The following RBM5 variants were observed in gnomAD, a reference collection of about 807,000 sequenced individuals.
RBM5 encodes RNA-binding protein 5.
RBM5 carries 15 observed loss-of-function variants against 124.6 expected under a neutral mutation model. That is an observed-to-expected ratio of 0.12 (90% CI 0.08 to 0.19). The LOEUF (loss-of-function observed/expected upper bound fraction) is 0.19, where lower values mean the gene tolerates loss of function less well. Ranked by LOEUF, RBM5 falls within the 10% of genes least tolerant of loss-of-function variation. The probability of loss-of-function intolerance (pLI) is 1.00; values close to 1 mark genes in which losing one functional copy is unlikely to be tolerated. For synonymous variants in RBM5, 337 were observed against 361.2 expected (o/e 0.93, Z 0.76); for missense variants, 580 against 1,026.5 (o/e 0.57, Z 5.94).
chr3:50,097,294 G>T (rs2090838417), intron 4 of RBM5, among the ~76,000 whole-genome samples: 1 of 152,152 alleles, frequency 6.6e-6, no homozygotes, highest in South Asian at 2.1e-4. Flanking sequence ...TACTCAGGAG[G>T]CTGAGGCAGG....
chr3:50,114,378 G>A, intron 20 of RBM5, 127 bp downstream of exon 20: 1 of 901,718 alleles, frequency 1.1e-6, no homozygotes, highest in Non-Finnish European at 1.6e-6. Flanking sequence ...GATGGGTATT[G>A]GAGCAGTTTC....
At position 50,099,988 on chromosome 3, in the gene RBM5, G is replaced by A. The variant is rs776769500; in HGVS notation, c.346G>A (p.Glu116Lys). Reference protein sequence around the residue: ...PITITESDIREMMESFEGPQP... With the variant: ...PITITESDIRKMMESFEGPQP... ...AATGTAAAACCCTGTGCAGATTCGA[G>A]AAATGATGGAGTCCTTCGAAGGCCC... The change falls in exon 5 of 25, where the codon GAA (glutamate) becomes AAA (lysine). Residue 116 changes from glutamate (E) to lysine (K), a missense_variant. Coordinates refer to ENST00000347869, the MANE Select transcript of RBM5 (RefSeq NM_005778.4). The A allele has an allele frequency of 6.2e-7, 1 of 1,613,640 alleles. No individual in the cohort carries two copies. Among genetic ancestry groups the A allele is most frequent in the Non-Finnish European group, 8.5e-7 (1 of 1,179,820 alleles).
At chr3:50,115,300 C>T (rs568254816) in intron 20 of RBM5, 128 bp from the exon 21 acceptor site, 1 of 1,146,198 alleles carries the variant, frequency 8.7e-7, no homozygotes, top group African/African-American at 1.6e-5. Context: ...TGATTCATTA[C>T]TAAAGTGTGA....
At chr3:50,106,344 G>A (rs1410125429) in intron 10 of RBM5, among the ~76,000 whole-genome samples, 2 of 151,818 alleles carry the variant, frequency 1.3e-5, no homozygotes, top group African/African-American at 2.4e-5. Context: ...GTTTCACTGT[G>A]TTAGCCAGGA....
At chr3:50,107,672 CTTTTTTTTT>C (rs71080575) in intron 12 of RBM5, 103 bp downstream of exon 12, 1,846 of 104,552 alleles carry the variant, frequency 0.018, 1 homozygote, top group Non-Finnish European at 0.021. Flanking sequence ...CTTTTCTTTT[CTTTTTTTTT>C]TTTTTTTTTT....
intron 6 of RBM5, chr3:50,101,214 C>T (rs1349296545): frequency 6.6e-6 from 1 of 152,188 alleles, no homozygotes; most frequent in African/African-American, 2.4e-5. Flanking sequence ...CAAAGCAAGT[C>T]ATTGATGGTT....
intron 24 of RBM5, 22 bp from the exon 25 acceptor site, chr3:50,118,309 G>C (rs1378318456): frequency 6.2e-7 from 1 of 1,613,730 alleles, no homozygotes; most frequent in Non-Finnish European, 8.5e-7. Flanking sequence ...CCTCCCAGCT[G>C]ACAGTCTCTG....
At chr3:50,116,799 T>G (rs1376003729) in intron 22 of RBM5, 2 of 422,418 alleles carry the variant, frequency 4.7e-6, no homozygotes, top group East Asian at 9.9e-5. Flanking sequence ...GTGGGCTGGT[T>G]GAGTAGCTTG....
intron 24 of RBM5, 90 bp from the exon 25 acceptor site, chr3:50,118,241 G>C: frequency 6.5e-7 from 1 of 1,538,842 alleles, no homozygotes; most frequent in East Asian, 2.3e-5. Flanking sequence ...GTCTCCTGGT[G>C]GGTGGTCCTG....
rs747593530 is a variant in RBM5 at position 50,110,389 on chromosome 3, C to G, written c.1289C>G (p.Ala430Gly). The G allele has an allele frequency of 6.2e-7, 1 of 1,613,948 alleles. No individual in the cohort carries two copies. Among genetic ancestry groups the G allele is most frequent in the Non-Finnish European group, 8.5e-7 (1 of 1,179,960 alleles). ...SNPPGSPTEE[A>G]QPSTSTSTQA... ...TGCTGTTCTTTCCAGACTGAGGAAG[C>G]ACAGCCTAGCACTAGCACAAGTACA... Residue 430 changes from alanine (A) to glycine (G), a missense_variant, in exon 16 of 25, where the codon GCA becomes GGA. By Grantham distance (60) the Ala-to-Gly change is moderately conservative. Transcript: ENST00000347869.
chr3:50,104,971 C>A (rs769895086), intron 8 of RBM5, 106 bp from the exon 9 acceptor site: 2 of 866,016 alleles, frequency 2.3e-6, no homozygotes, highest in Non-Finnish European at 3.6e-6. Context: ...AAGAAAAAAA[C>A]GATTGTTTTG....
chr3:50,117,287 A>G lies in RBM5; in HGVS notation c.2230A>G (p.Ser744Gly), dbSNP rs1489564848. 1.2e-6 allele frequency: 2 copies of G among 1,614,268 alleles called. No individual in the cohort carries two copies. Among genetic ancestry groups the G allele is most frequent in the Non-Finnish European group, 1.7e-6 (2 of 1,180,048 alleles). Reference sequence around the variant, plus strand: ...ACCCACCAAAGATGGCATTGACCACAGTAACATTGGCAACAAGATGCTGCA... The same window carrying G: ...ACCCACCAAAGATGGCATTGACCACGGTAACATTGGCAACAAGATGCTGCA... The part of the protein sequence containing the change: ...EQPTKDGIDH[S>G]NIGNKMLQAM... Residue 744 changes from serine (S) to glycine (G), a missense_variant, in exon 24 of 25, where the codon AGT becomes GGT. This residue lies in a region of RBM5 where 234 missense variants were observed against 435.1 expected (regional missense o/e 0.54). Transcript: ENST00000347869. The surrounding 1 kb of genome is among the most constrained non-coding windows in gnomAD (Gnocchi z 4.2).
chr3:50,118,215 C>T, intron 24 of RBM5, 116 bp from the exon 25 acceptor site: 4 of 1,370,180 alleles, frequency 2.9e-6, no homozygotes, highest in Non-Finnish European at 4.0e-6. Flanking sequence ...TCTTCATATA[C>T]AGTTTTCTCT....
chr3:50,103,278 T>C, intron 7 of RBM5, 112 bp downstream of exon 7: 1 of 880,060 alleles, frequency 1.1e-6, no homozygotes, highest in Non-Finnish European at 1.8e-6. Context: ...TCATCAGTAA[T>C]ATTCATGGTT....
chr3:50,103,037 A>T, intron 6 of RBM5, 46 bp from the exon 7 acceptor site: 1 of 1,419,764 alleles, frequency 7.0e-7, no homozygotes. Flanking sequence ...GAAAATGGAC[A>T]CATGTTCCTC....
In RBM5 at chr3:50,100,132, C is replaced by A. The variant is rs1575312718; in HGVS notation, c.409+81C>A. On this transcript the variant is annotated intron_variant, in intron 5 of 24. Transcript: ENST00000347869. This position sits in a 1 kb window ranked among gnomAD's most constrained non-coding sequence, Gnocchi z 5.1. ...TCCCTAAAGAACATCCTGATTCCCC[C>A]AGTCTTCAAGCACATGAATTCAGAA... The A allele has an allele frequency of 1.6e-6, 2 of 1,253,258 alleles. No individual in the cohort carries two copies. Among genetic ancestry groups the A allele is most frequent in the Non-Finnish European group, 2.3e-6 (2 of 878,804 alleles). 77.6% of individuals were successfully genotyped at this position (1,253,258 alleles called of 1,614,324 possible).
chr3:50,106,168 T>G (rs2091028040), intron 10 of RBM5, among the ~76,000 whole-genome samples: 1 of 126,570 alleles, frequency 7.9e-6, no homozygotes, highest in African/African-American at 3.0e-5. Context: ...GGAGTCTCGT[T>G]CTGTCGCCCA....
At chr3:50,099,349 T>C (rs955212008) in intron 4 of RBM5, among the ~76,000 whole-genome samples, 1 of 152,178 alleles carries the variant, frequency 6.6e-6, no homozygotes, top group African/African-American at 2.4e-5. Context: ...CATTAATTTC[T>C]ATGAGAAATG....
intron 4 of RBM5, among the ~76,000 whole-genome samples, chr3:50,094,964 G>A (rs1367313842): frequency 6.6e-6 from 1 of 152,110 alleles, no homozygotes; most frequent in Non-Finnish European, 1.5e-5. Flanking sequence ...TTGGGAGGTC[G>A]AGGCGGGTGG....
Sources: allele counts gnomAD v4.1 joint callset (sites outside exome capture counted in the v4.1 genomes callset), GRCh38; gene constraint gnomAD v4.1.1; regional missense constraint gnomAD v4.1.1; non-coding constraint Gnocchi (gnomAD v3.1); transcripts MANE v1.5; gene names NCBI Gene and HGNC (gene_info 2026-07-23, HGNC 2026-07-21).